OXR1: variants seen among roughly 807,000 people sequenced by gnomAD.
OXR1 encodes the protein oxidation resistance 1.
Under a neutral mutation model 104.6 loss-of-function variants are expected in OXR1, and 41 were observed. That is an observed-to-expected ratio of 0.39 (90% CI 0.31 to 0.51). The LOEUF is 0.51. Ranked by LOEUF, OXR1 falls within the 20% of genes least tolerant of loss-of-function variation. OXR1 has a pLI of 0.77. For missense variants in OXR1, 955 were observed against 1,031.9 expected, an observed-to-expected ratio of 0.93 and a Z score of 1.02; for synonymous variants, 348 against 348.4, an observed-to-expected ratio of 1.00 and a Z score of 0.01.
At chr8:106,418,820 A>C (rs1818788566) in intron 2 of OXR1, among the ~76,000 whole-genome samples, 1 of 152,174 alleles carries the variant, frequency 6.6e-6, no homozygotes, top group South Asian at 2.1e-4. Context: ...ATCCACAAAG[A>C]TGACTATAAG....
intron 2 of OXR1, among the ~76,000 whole-genome samples, chr8:106,458,954 A>G (rs1820755960): frequency 6.6e-6 from 1 of 152,104 alleles, no homozygotes; most frequent in Admixed American, 6.6e-5. Flanking sequence ...CTAAGGATGA[A>G]TTATGCCTTG....
At chr8:106,639,056 G>A (rs1823411398) in intron 3 of OXR1, among the ~76,000 whole-genome samples, 1 of 152,100 alleles carries the variant, frequency 6.6e-6, no homozygotes, top group African/African-American at 2.4e-5. Context: ...GGAAGAAAAG[G>A]GCTAAAGAAG....
chr8:106,745,621 A>G (rs1368605685), intron 15 of OXR1, among the ~76,000 whole-genome samples, 168 bp from the exon 16 acceptor site: 2 of 152,158 alleles, frequency 1.3e-5, no homozygotes, highest in African/African-American at 4.8e-5. Flanking sequence ...TTAGTCATAT[A>G]AACACTGAAA....
At chr8:106,454,545 CA>C (rs1334693813) in intron 2 of OXR1, among the ~76,000 whole-genome samples, 3 of 151,856 alleles carry the variant, frequency 2.0e-5, no homozygotes, top group Non-Finnish European at 4.4e-5. Context: ...ACCTACTTTG[CA>C]AGTTTTGATG....
At chr8:106,538,826 T>C (rs1814739788) in intron 3 of OXR1, among the ~76,000 whole-genome samples, 2 of 152,196 alleles carry the variant, frequency 1.3e-5, no homozygotes, top group South Asian at 4.1e-4. Context: ...AGAGTGAAAT[T>C]CTTCAACGTG....
At chr8:106,507,276 C>T (rs2023127) in intron 2 of OXR1, among the ~76,000 whole-genome samples, 82,234 of 151,894 alleles carry the variant, frequency 0.54, 24,506 homozygotes, top group Non-Finnish European at 0.68. Context: ...TATTATCCCT[C>T]CTATAGACTA....
intron 16 of OXR1, 96 bp downstream of exon 16, chr8:106,745,958 C>T (rs369972114): frequency 7.6e-6 from 5 of 659,958 alleles, no homozygotes; most frequent in Middle Eastern, 3.6e-4. Context: ...AAAGTGTTGA[C>T]GTTAGAATTC....
At chr8:106,319,761 A>G (rs898249204) in intron 1 of OXR1, among the ~76,000 whole-genome samples, 1 of 152,226 alleles carries the variant, frequency 6.6e-6, no homozygotes, top group African/African-American at 2.4e-5. Context: ...GGCAGGAGGA[A>G]TAAAGGCGAT....
At chr8:106,341,987 TG>T (rs1409053591) in intron 1 of OXR1, among the ~76,000 whole-genome samples, 1 of 151,636 alleles carries the variant, frequency 6.6e-6, no homozygotes, top group Non-Finnish European at 1.5e-5. Context: ...GCAATCTTCC[TG>T]CCTCAGCCTC....
At chr8:106,631,404 TATGGATGGA>T (rs1472494662) in intron 3 of OXR1, among the ~76,000 whole-genome samples, 1 of 152,248 alleles carries the variant, frequency 6.6e-6, no homozygotes, top group Non-Finnish European at 1.5e-5. Context: ...TTTACATGCA[TATGGATGGA>T]ACACAAAATT....
intron 1 of OXR1, among the ~76,000 whole-genome samples, chr8:106,279,718 C>A (rs1008389941): frequency 1.1e-4 from 17 of 152,060 alleles, no homozygotes; most frequent in Non-Finnish European, 1.3e-4. Flanking sequence ...AGTAGTAAGT[C>A]CAAATAAGGT....
intron 3 of OXR1, among the ~76,000 whole-genome samples, chr8:106,652,728 GA>G (rs1824702836): frequency 6.6e-6 from 1 of 151,502 alleles, no homozygotes; most frequent in African/African-American, 2.4e-5. Context: ...GGGGGAAATA[GA>G]AGATACTAAA....
chr8:106,739,736 G>A (rs536581658), intron 13 of OXR1, among the ~76,000 whole-genome samples, 153 bp downstream of exon 13: 1 of 148,706 alleles, frequency 6.7e-6, no homozygotes, highest in African/African-American at 2.4e-5. Flanking sequence ...ATAGCAACTA[G>A]TGTTAATTAA....
chr8:106,698,266 T>C (rs548114940), intron 7 of OXR1, among the ~76,000 whole-genome samples: 1 of 152,338 alleles, frequency 6.6e-6, no homozygotes, highest in East Asian at 1.9e-4. Context: ...TCTTGCATTA[T>C]TTTTATGTTT....
chr8:106,581,497 GT>G lies in OXR1; in HGVS notation c.220+62368del, dbSNP rs201014920. Among the ~76,000 whole-genome samples the G allele has an allele frequency of 1.4e-4, 20 of 147,604 alleles. 1 individual carries two copies. Among genetic ancestry groups the G allele is most frequent in the South Asian group, 8.7e-4 (4 of 4,616 alleles). On this transcript the variant is annotated intron_variant, in intron 3 of 16. Coordinates refer to ENST00000517566, the MANE Select transcript of OXR1 (RefSeq NM_001198533.2). ...GTTGTCAGTAATATTTTGATTCTGT[GT>G]TTTTTTTTTAAAAAAAACCTTTTAA...
chr8:106,652,421 A>G (rs1204002541), intron 3 of OXR1, among the ~76,000 whole-genome samples: 1 of 152,154 alleles, frequency 6.6e-6, no homozygotes, highest in African/African-American at 2.4e-5. Context: ...TGTACCAAGT[A>G]TGTTCTCTAA....
At chr8:106,696,410 T>A (rs568179531) in intron 7 of OXR1, among the ~76,000 whole-genome samples, 3 of 152,342 alleles carry the variant, frequency 2.0e-5, no homozygotes, top group African/African-American at 7.2e-5. Flanking sequence ...GTTTTGGCAC[T>A]TGTAAATGAA....
chr8:106,487,340 T>TTTC (rs1554581703), intron 2 of OXR1, among the ~76,000 whole-genome samples: 2 of 3,680 alleles, frequency 5.4e-4, no homozygotes, highest in Non-Finnish European at 1.5e-3. Flanking sequence ...CAGGTATTTC[T>TTTC]TTTTTTTTTT....
At chr8:106,299,725 T>G (rs1389781724) in intron 1 of OXR1, among the ~76,000 whole-genome samples, 1 of 152,226 alleles carries the variant, frequency 6.6e-6, no homozygotes, top group Admixed American at 6.5e-5. Context: ...TATTGAGGAC[T>G]GACTTTGTGT....
Sources: allele counts gnomAD v4.1 joint callset (sites outside exome capture counted in the v4.1 genomes callset), GRCh38; gene constraint gnomAD v4.1.1; transcripts MANE v1.5; gene names NCBI Gene and HGNC (gene_info 2026-07-23, HGNC 2026-07-21).